Variants in PRKN observed in about 807,000 individuals in gnomAD.
PRKN encodes parkin RBR E3 ubiquitin protein ligase.
Under a neutral mutation model 59.5 loss-of-function variants are expected in PRKN, and 56 were observed. That is an observed-to-expected ratio of 0.94 (90% CI 0.76 to 1.18). The LOEUF (loss-of-function observed/expected upper bound fraction) is 1.18. Ranked by LOEUF, PRKN falls within the 50% of genes most tolerant of loss-of-function variation. The probability of loss-of-function intolerance (pLI) is 0.00; values close to 1 mark genes in which losing one functional copy is unlikely to be tolerated. For synonymous variants in PRKN, 250 were observed against 222.1 expected, an observed-to-expected ratio of 1.13 and a Z score of -1.12; for missense variants, 657 against 596.4, an observed-to-expected ratio of 1.10 and a Z score of -1.06.
At chr6:162,666,994 A>G (rs1485762459) in intron 1 of PRKN, among the ~76,000 whole-genome samples, 1 of 152,096 alleles carries the variant, frequency 6.6e-6, no homozygotes, top group Non-Finnish European at 1.5e-5. Context: ...ATTAATAAGA[A>G]GACTGAACAC....
chr6:161,975,940 C>G (rs1215006289), intron 5 of PRKN, among the ~76,000 whole-genome samples: 1 of 152,094 alleles, frequency 6.6e-6, no homozygotes, highest in Non-Finnish European at 1.5e-5. Context: ...GAGTCTCACT[C>G]TATCGCCTAG....
intron 1 of PRKN, among the ~76,000 whole-genome samples, chr6:162,565,939 T>C (rs1040055194): frequency 6.6e-6 from 1 of 152,120 alleles, no homozygotes; most frequent in Non-Finnish European, 1.5e-5. Context: ...GCTATACTTA[T>C]ATCAGAAAAA....
intron 4 of PRKN, among the ~76,000 whole-genome samples, chr6:162,196,232 A>G (rs1784491746): frequency 6.6e-6 from 1 of 152,170 alleles, no homozygotes; most frequent in African/African-American, 2.4e-5. Context: ...CAAGGGACAG[A>G]CTTACCATTG....
chr6:162,104,712 C>T lies in PRKN; in HGVS notation c.535-50538G>A, dbSNP rs566464722. ...TGTAACACCAATTGTTGCTGGTCCACGTTCCACACTTTTAGGGGTGGGGAT... is the reference window on the plus strand; with the variant it reads ...TGTAACACCAATTGTTGCTGGTCCATGTTCCACACTTTTAGGGGTGGGGAT... On this transcript the variant is annotated intron_variant, in intron 4 of 11. Transcript: ENST00000366898. Among the ~76,000 whole-genome samples, 7 of 152,200 alleles carry T rather than the reference C, an allele frequency of 4.6e-5. 1 individual carries two copies. In the South Asian group the frequency reaches 1.0e-3, roughly 23 times the overall value.
chr6:161,954,867 G>A (rs1780112288), intron 6 of PRKN, among the ~76,000 whole-genome samples: 1 of 152,176 alleles, frequency 6.6e-6, no homozygotes, highest in Admixed American at 6.5e-5. Context: ...CATGAAGCAT[G>A]TTTTCCAGTA....
chr6:161,412,138 C>G (rs539504323), intron 9 of PRKN, among the ~76,000 whole-genome samples: 4 of 146,530 alleles, frequency 2.7e-5, no homozygotes, highest in Non-Finnish European at 6.0e-5. Flanking sequence ...CCTTCACTCA[C>G]TCATTCCTTC....
At chr6:161,434,253 T>C (rs1334000518) in intron 9 of PRKN, among the ~76,000 whole-genome samples, 3 of 152,192 alleles carry the variant, frequency 2.0e-5, no homozygotes, top group Admixed American at 6.5e-5. Context: ...GCCAGTATGC[T>C]CTTGGAAGAG....
At chr6:161,748,138 C>G (rs1788510076) in intron 7 of PRKN, among the ~76,000 whole-genome samples, 1 of 152,148 alleles carries the variant, frequency 6.6e-6, no homozygotes, top group Non-Finnish European at 1.5e-5. Context: ...TTTTTTACAA[C>G]AGAATTGGGA....
chr6:161,604,272 A>C (rs1449896193), intron 7 of PRKN, among the ~76,000 whole-genome samples: 1 of 152,238 alleles, frequency 6.6e-6, no homozygotes, highest in African/African-American at 2.4e-5. Context: ...TAAAAAAAGC[A>C]CCTTCAAAAC....
chr6:161,912,049 G>T (rs1258144117), intron 6 of PRKN, among the ~76,000 whole-genome samples: 2 of 151,854 alleles, frequency 1.3e-5, no homozygotes, highest in Admixed American at 6.6e-5. Context: ...GTGATGGCGG[G>T]CACCTGTAAT....
At chr6:162,168,131 T>C (rs1783072911) in intron 4 of PRKN, among the ~76,000 whole-genome samples, 1 of 152,132 alleles carries the variant, frequency 6.6e-6, no homozygotes, top group Admixed American at 6.6e-5. Context: ...ATAGTACCAA[T>C]CAAAGAATAA....
At chr6:161,626,753 G>C (rs550895303) in intron 7 of PRKN, among the ~76,000 whole-genome samples, 1 of 152,208 alleles carries the variant, frequency 6.6e-6, no homozygotes, top group Admixed American at 6.5e-5. Flanking sequence ...AGACCCCAAG[G>C]AGGGTACTGT....
At chr6:162,513,899 C>T (rs1777736031) in intron 1 of PRKN, among the ~76,000 whole-genome samples, 1 of 151,652 alleles carries the variant, frequency 6.6e-6, no homozygotes, top group Admixed American at 6.6e-5. Context: ...ACTAAAAATA[C>T]AAAAAATATG....
At chr6:162,685,176 T>G (rs1217551603) in intron 1 of PRKN, among the ~76,000 whole-genome samples, 5 of 152,166 alleles carry the variant, frequency 3.3e-5, no homozygotes, top group Non-Finnish European at 7.3e-5. Context: ...TTCATAGTGC[T>G]GCTGTGATGA....
intron 4 of PRKN, 102 bp from the exon 5 acceptor site, chr6:162,054,276 G>A: frequency 1.2e-6 from 1 of 811,666 alleles, no homozygotes; most frequent in Non-Finnish European, 2.1e-6. Flanking sequence ...TGAAATTAGT[G>A]TGTAGTCCAA....
At chr6:161,763,077 C>T (rs1467673492) in intron 7 of PRKN, among the ~76,000 whole-genome samples, 1 of 152,166 alleles carries the variant, frequency 6.6e-6, no homozygotes, top group Non-Finnish European at 1.5e-5. Flanking sequence ...CAACATTGTA[C>T]TCTGTAACCG....
chr6:162,151,523 T>C (rs1254619249), intron 4 of PRKN, among the ~76,000 whole-genome samples: 1 of 152,218 alleles, frequency 6.6e-6, no homozygotes, highest in East Asian at 1.9e-4. Context: ...ATCTAGCCTA[T>C]AGAAATCTCT....
At chr6:162,177,135 A>G (rs973319051) in intron 4 of PRKN, among the ~76,000 whole-genome samples, 3 of 152,110 alleles carry the variant, frequency 2.0e-5, no homozygotes, top group Admixed American at 6.6e-5. Flanking sequence ...CACTCACACC[A>G]AAATCTAGAA....
intron 7 of PRKN, among the ~76,000 whole-genome samples, chr6:161,740,410 C>T (rs546864240): frequency 8.2e-4 from 125 of 152,286 alleles, no homozygotes; most frequent in African/African-American, 2.8e-3. Flanking sequence ...CTTGCCCTAC[C>T]TGTTTCACTG....
Sources: gnomAD v4.1 joint callset for allele counts (sites outside exome capture counted in the v4.1 genomes callset) on GRCh38, gnomAD v4.1.1 for gene constraint, MANE v1.5 for transcripts, NCBI Gene and HGNC (gene_info 2026-07-23, HGNC 2026-07-21) for gene names.